The following OARD1 variants were observed in gnomAD, a reference collection of about 807,000 sequenced individuals.
OARD1 encodes the protein O-acyl-ADP-ribose deacylase 1, also known as ADP-ribose glycohydrolase OARD1.
Under a neutral mutation model 19.7 loss-of-function variants are expected in OARD1, and 19 were observed. That is an observed-to-expected ratio of 0.96 (90% CI 0.67 to 1.41). The LOEUF (loss-of-function observed/expected upper bound fraction) is 1.41, where lower values mean the gene tolerates loss of function less well. Ranked by LOEUF, OARD1 falls within the 40% of genes most tolerant of loss-of-function variation. OARD1 has a pLI of 0.00. For missense variants in OARD1, 190 were observed against 183.8 expected, an observed-to-expected ratio of 1.03 and a Z score of -0.20; for synonymous variants, 70 against 61.8, an observed-to-expected ratio of 1.13 and a Z score of -0.62.
chr6:41,089,626 T>TGTGCAG (rs1764148696), intron 1 of OARD1: 1 of 1,612,690 alleles, frequency 6.2e-7, no homozygotes, highest in Non-Finnish European at 8.5e-7. Flanking sequence ...GTGGACAGGC[T>TGTGCAG]GTGCAGGTGC....
intron 3 of OARD1, among the ~76,000 whole-genome samples, chr6:41,070,518 A>C (rs979439990): frequency 6.6e-6 from 1 of 152,254 alleles, no homozygotes. Context: ...GAGCTGTATA[A>C]GGCATTATGA....
chr6:41,072,504 C>G (rs1383467436), upstream of OARD1: 1 of 152,222 alleles, frequency 6.6e-6, no homozygotes, highest in Non-Finnish European at 1.5e-5. Flanking sequence ...GGGGCGGAAA[C>G]GAGCCCCTCT....
chr6:41,094,563 A>T, intron 1 of OARD1: 1 of 1,220,492 alleles, frequency 8.2e-7, no homozygotes, highest in Non-Finnish European at 1.2e-6. Flanking sequence ...TGAAGCCTTC[A>T]GCAGTGTCCT....
At chr6:41,095,288 A>G (rs1220284257) in intron 1 of OARD1, among the ~76,000 whole-genome samples, 1 of 152,044 alleles carries the variant, frequency 6.6e-6, no homozygotes, top group Non-Finnish European at 1.5e-5. Flanking sequence ...CTTGGTCTCT[A>G]TGCTGCTGTT....
upstream of OARD1, among the ~76,000 whole-genome samples, chr6:41,073,631 C>A (rs549015644): frequency 6.6e-6 from 1 of 152,206 alleles, no homozygotes; most frequent in African/African-American, 2.4e-5. Context: ...GGGAGGGAGG[C>A]CTGGGGAGGG....
intron 1 of OARD1, among the ~76,000 whole-genome samples, chr6:41,097,154 T>C (rs1764380977): frequency 6.6e-6 from 1 of 152,214 alleles, no homozygotes; most frequent in South Asian, 2.1e-4. Flanking sequence ...AGACTTTAAA[T>C]TATTTTAAGA....
At position 41,094,549 on chromosome 6, in the gene OARD1, G is replaced by A. The variant is rs756696494; in HGVS notation, c.-42+3164C>T. The A allele has an allele frequency of 3.5e-6, 5 of 1,430,388 alleles. No homozygotes were observed. In the East Asian group the frequency reaches 1.1e-4, roughly 33 times the overall value. 88.6% of individuals were successfully genotyped at this position (1,430,388 alleles called of 1,614,324 possible). A position where few individuals can be genotyped will look rare whatever the true frequency, so the allele number is the denominator to read the frequency against. ...TCTCTTTATTACCTTGTATTGACTT[G>A]AGTTGAAGCCTTCAGCAGTGTCCTC... On this transcript the variant is annotated intron_variant, in intron 1 of 4. Coordinates refer to the OARD1 transcript ENST00000480585.
At chr6:41,071,799 C>A in intron 1 of OARD1, 124 bp from the exon 2 acceptor site, 1 of 624,122 alleles carries the variant, frequency 1.6e-6, no homozygotes, top group South Asian at 1.9e-5. Flanking sequence ...TGAGTTTGTT[C>A]GGCCCCTGGG....
chr6:41,076,962 T>C (rs897691431), upstream of OARD1, among the ~76,000 whole-genome samples: 3 of 152,234 alleles, frequency 2.0e-5, no homozygotes, highest in African/African-American at 7.2e-5. Context: ...AAGCTGCTCT[T>C]CAAATCTTGA....
chr6:41,086,516 A>G (rs193102970), intron 1 of OARD1, among the ~76,000 whole-genome samples: 11 of 149,736 alleles, frequency 7.3e-5, no homozygotes, highest in Admixed American at 4.0e-4. Flanking sequence ...TCCCCTTTGT[A>G]TAGGAGTTTT....
intron 1 of OARD1, among the ~76,000 whole-genome samples, chr6:41,081,333 C>CA (rs1275826569): frequency 2.6e-5 from 4 of 151,730 alleles, no homozygotes; most frequent in South Asian, 2.1e-4. Context: ...ACTAAAAATA[C>CA]AAAAAAATTA....
In OARD1 at chr6:41,072,216, T is replaced by A. The variant is rs1763476984; in HGVS notation, c.-42+20A>T. Reference sequence around the variant, plus strand: ...GAGAAGGAAAGAGTCTATTGAAGCCTCCCATTCTCTGTCTCCTACCCTAGG... The same window carrying A: ...GAGAAGGAAAGAGTCTATTGAAGCCACCCATTCTCTGTCTCCTACCCTAGG... On this transcript the variant is annotated intron_variant, in intron 1 of 5. Transcript: ENST00000424266. 1 of 153,652 alleles carries A rather than the reference T, an allele frequency of 6.5e-6. No homozygotes were observed. The highest frequency in any genetic ancestry group is 2.4e-5 in the African/African-American group (1 of 41,440). 9.5% of individuals were successfully genotyped at this position (153,652 alleles called of 1,614,324 possible). A position where few individuals can be genotyped will look rare whatever the true frequency, so the allele number is the denominator to read the frequency against.
chr6:41,092,824 CA>C, intron 1 of OARD1: 113 of 1,414,568 alleles, frequency 8.0e-5, no homozygotes, highest in South Asian at 1.4e-4. Context: ...GTGGCATTTA[CA>C]AAAAAAATGG....
At chr6:41,079,273 G>C in intron 1 of OARD1, 5 of 1,030,182 alleles carry the variant, frequency 4.9e-6, no homozygotes, top group Non-Finnish European at 7.4e-6. Context: ...ACCAGATCTT[G>C]TGAGATATTG....
rs556335484 is a variant in OARD1, at chr6:41,089,933, C to T, written c.-42+7780G>A. Among the ~76,000 whole-genome samples the T allele has an allele frequency of 2.8e-4, 42 of 152,164 alleles. No homozygotes were observed. The South Asian group carries it at 8.7e-3, about 32-fold the overall frequency. On this transcript the variant is annotated intron_variant, in intron 1 of 4. Coordinates refer to the OARD1 transcript ENST00000480585. ...AAGAGATCAAGAACATCCTGGCCAA[C>T]ATGGTGAAGCCCCGTCAAAATACAA...
At chr6:41,071,854 G>A (rs1186439209) in intron 1 of OARD1, 179 bp from the exon 2 acceptor site, 7 of 540,346 alleles carry the variant, frequency 1.3e-5, no homozygotes, top group Admixed American at 6.3e-5. Flanking sequence ...GAACGCTTAG[G>A]TTCGGAGGCT....
intron 1 of OARD1, among the ~76,000 whole-genome samples, chr6:41,082,627 CTT>C (rs1419852743): frequency 6.6e-6 from 1 of 152,126 alleles, no homozygotes; most frequent in Non-Finnish European, 1.5e-5. Flanking sequence ...AGTGGAAACA[CTT>C]TATGGAAATA....
At chr6:41,090,115 A>G (rs1764160688) in intron 1 of OARD1, 5 of 926,400 alleles carry the variant, frequency 5.4e-6, no homozygotes, top group Admixed American at 4.6e-5. Context: ...CTCTGTCTCA[A>G]AAAAATAATT....
chr6:41,096,011 A>G (rs979531410), intron 1 of OARD1, among the ~76,000 whole-genome samples: 7 of 152,176 alleles, frequency 4.6e-5, no homozygotes, highest in African/African-American at 1.7e-4. Context: ...CACTTGCACT[A>G]TTGCAATATC....
Sources: gnomAD v4.1 joint callset for allele counts (sites outside exome capture counted in the v4.1 genomes callset) on GRCh38, gnomAD v4.1.1 for gene constraint, MANE v1.5 for transcripts, NCBI Gene and HGNC (gene_info 2026-07-23, HGNC 2026-07-21) for gene names.